HEPACAM2: variants seen among roughly 807,000 people sequenced by gnomAD.
HEPACAM2 encodes HEPACAM family member 2.
In HEPACAM2, 49 loss-of-function variants were observed where a neutral mutation model predicts 49.6. The ratio of observed to expected loss-of-function variants is 0.99; its 90% CI spans 0.78 to 1.25. The LOEUF is 1.25. Among genes scored for constraint, HEPACAM2 ranks in the 50% most tolerant of loss-of-function variants. The pLI is 0.00. For synonymous variants in HEPACAM2, 197 were observed against 202.9 expected (o/e 0.97, Z 0.25); for missense variants, 525 against 557.2 (o/e 0.94, Z 0.58).
intron 2 of HEPACAM2, 116 bp from the exon 3 acceptor site, chr7:93,215,801 A>G: frequency 1.0e-6 from 1 of 973,782 alleles, no homozygotes; most frequent in Non-Finnish European, 1.5e-6. Flanking sequence ...TTTACACTGT[A>G]AATGTAGACA....
At chr7:93,197,110 C>T in intron 7 of HEPACAM2, 131 bp downstream of exon 7, 2 of 573,586 alleles carry the variant, frequency 3.5e-6, no homozygotes, top group Non-Finnish European at 5.1e-6. Flanking sequence ...GGCACTAACT[C>T]AAAGGTAAGA....
At chr7:93,216,174 C>A (rs1017861921) in intron 2 of HEPACAM2, among the ~76,000 whole-genome samples, 3 of 152,120 alleles carry the variant, frequency 2.0e-5, no homozygotes, top group Non-Finnish European at 2.9e-5. Flanking sequence ...TTTTGGGAAA[C>A]TGAGGGATAA....
Position 93,188,935 on chromosome 7 carries a change from A to G in HEPACAM2, c.*332T>C. 1 of 420,976 alleles carries G rather than the reference A, an allele frequency of 2.4e-6. No individual in the cohort carries two copies. Among genetic ancestry groups the G allele is most frequent in the Non-Finnish European group, 4.2e-6 (1 of 238,646 alleles). The allele number at this position is 420,976 out of a possible 1,614,324, so 26.1% of individuals were successfully genotyped here. ...AGTGTTGATGATAGTGAAAGTGTAG[A>G]GTAGAACTAATTGAGGTTTGTAGAG... On this transcript the variant is annotated 3_prime_UTR_variant, in exon 10 of 10. Coordinates refer to ENST00000394468, the MANE Select transcript of HEPACAM2 (RefSeq NM_001039372.4).
Position 93,197,400 on chromosome 7 carries a change from A to G in HEPACAM2, c.1139-3T>C. ...GCCTTCTAGTTTCTGTTTTATAACT[A>G]AAATCAAGAGAGAAGAAAAATGGTA... On this transcript the variant is annotated splice_polypyrimidine_tract_variant and splice_region_variant and intron_variant, in intron 5 of 9. Transcript: ENST00000394468. 1.3e-6 allele frequency: 2 copies of G among 1,596,464 alleles called. No homozygotes were observed. Among genetic ancestry groups the G allele is most frequent in the Admixed American group, 3.5e-5 (2 of 57,398 alleles).
Position 93,226,329 on chromosome 7 carries a change from C to T in HEPACAM2, c.79+39G>A, listed in dbSNP as rs35465040. The T allele has an allele frequency of 1.0e-3, 1,481 of 1,452,100 alleles. 1 individual carries two copies. The highest frequency in any genetic ancestry group is 1.3e-3 in the Non-Finnish European group (1,386 of 1,048,570). The allele number at this position is 1,452,100 out of a possible 1,614,324, so 90.0% of individuals were successfully genotyped here. ...ATGTCCACAATTAAAAAAAAAAAAC[C>T]TAACAAACAGCTAAAACACAATTCA... On this transcript the variant is annotated intron_variant, in intron 1 of 9. Transcript: ENST00000394468.
intron 5 of HEPACAM2, 40 bp downstream of exon 5, chr7:93,197,445 T>C (rs1793759045): frequency 6.3e-7 from 1 of 1,586,964 alleles, no homozygotes; most frequent in Non-Finnish European, 8.6e-7. Context: ...TTAGTACACA[T>C]ATATACAGCT....
chr7:93,202,704 C>T (rs1293522540), intron 4 of HEPACAM2, among the ~76,000 whole-genome samples: 1 of 152,142 alleles, frequency 6.6e-6, no homozygotes, highest in African/African-American at 2.4e-5. Flanking sequence ...TGAGTAGTCT[C>T]GGCTGTTTTT....
intron 3 of HEPACAM2, among the ~76,000 whole-genome samples, chr7:93,210,883 A>G (rs1794162767): frequency 6.6e-6 from 1 of 151,984 alleles, no homozygotes; most frequent in Non-Finnish European, 1.5e-5. Context: ...TTTTAATATA[A>G]AAAGACAGGT....
chr7:93,210,848 T>A (rs1366173687), intron 3 of HEPACAM2, among the ~76,000 whole-genome samples: 1 of 152,012 alleles, frequency 6.6e-6, no homozygotes, highest in Non-Finnish European at 1.5e-5. Context: ...GTCATTTGAA[T>A]TTTTTGGGTC....
At chr7:93,202,107 A>G (rs73218053) in intron 4 of HEPACAM2, among the ~76,000 whole-genome samples, 1 of 149,278 alleles carries the variant, frequency 6.7e-6, no homozygotes, top group Non-Finnish European at 1.5e-5. Context: ...GAATTGAAAA[A>G]AAATACCAAA....
upstream of HEPACAM2, among the ~76,000 whole-genome samples, chr7:93,227,986 A>G (rs1365125972): frequency 6.6e-6 from 1 of 152,216 alleles, no homozygotes. Flanking sequence ...AATAAATTTT[A>G]ATATTGGATT....
chr7:93,226,454 G>C lies in HEPACAM2; in HGVS notation c.-8C>G. ...GAAAGCATCCTGTCCCATGCATGCA[G>C]TGCCCTGTTCTCAGTGGTAACTTGG... On this transcript the variant is annotated 5_prime_UTR_variant, in exon 1 of 10. Transcript: ENST00000394468. The C allele has an allele frequency of 6.2e-7, 1 of 1,611,486 alleles. No homozygotes were observed. The highest frequency in any genetic ancestry group is 8.5e-7 in the Non-Finnish European group (1 of 1,177,882).
the HEPACAM2 span, among the ~76,000 whole-genome samples, chr7:93,232,042 G>T: frequency 6.6e-6 from 1 of 152,058 alleles, no homozygotes. Flanking sequence ...ACTCCTAGGG[G>T]ACATCGCGTC....
At position 93,195,872 on chromosome 7, in the gene HEPACAM2, T is replaced by A. The variant is rs1362705396; in HGVS notation, c.1231A>T (p.Ile411Leu). ...TCTGGAAAAGCAACAAATTCATATA[T>A]TCCGAAGTCATCCAGAGCATCTTCA... ...GHEDALDDFG[I>L]YEFVAFPDVS... is the part of the protein sequence containing the mutation. The change falls in exon 8 of 10, where the codon ATA becomes TTA. Residue 411 changes from isoleucine (I) to leucine (L), a missense_variant. Ile to Leu is a conservative substitution (Grantham distance 5). Transcript: ENST00000394468. 1.2e-5 allele frequency: 20 copies of A among 1,612,970 alleles called. No individual in the cohort carries two copies. In the South Asian group the frequency reaches 1.3e-4, roughly 11 times the overall value.
upstream of HEPACAM2, among the ~76,000 whole-genome samples, chr7:93,229,133 G>A (rs1297331559): frequency 6.6e-6 from 1 of 152,158 alleles, no homozygotes; most frequent in Non-Finnish European, 1.5e-5. Context: ...AGAACAGTGG[G>A]GAATAAGAAC....
At chr7:93,224,356 G>A (rs186262909) in intron 1 of HEPACAM2, among the ~76,000 whole-genome samples, 5 of 151,688 alleles carry the variant, frequency 3.3e-5, no homozygotes, top group South Asian at 4.2e-4. Context: ...GGACTTAAAC[G>A]GAAATTTAAA....
At chr7:93,203,952 T>A (rs1366453818) in intron 4 of HEPACAM2, among the ~76,000 whole-genome samples, 1 of 152,134 alleles carries the variant, frequency 6.6e-6, no homozygotes, top group Non-Finnish European at 1.5e-5. Context: ...CATGGAGACA[T>A]CACCTTAGGT....
intron 9 of HEPACAM2, 105 bp downstream of exon 9, chr7:93,192,149 C>G: frequency 1.4e-6 from 1 of 716,034 alleles, no homozygotes; most frequent in East Asian, 2.7e-5. Context: ...GCTATAATTT[C>G]TTGTTTTGGT....
chr7:93,205,615 G>A (rs1794008007), intron 4 of HEPACAM2: 1 of 152,146 alleles, frequency 6.6e-6, no homozygotes, highest in African/African-American at 2.4e-5. Context: ...GATCTCAAGA[G>A]TTTACTCCTC....
Sources: allele counts gnomAD v4.1 joint callset (sites outside exome capture counted in the v4.1 genomes callset), GRCh38; gene constraint gnomAD v4.1.1; transcripts MANE v1.5; gene names NCBI Gene and HGNC (gene_info 2026-07-23, HGNC 2026-07-21).